Variants in PIP4P2 observed in about 807,000 individuals in gnomAD.
The protein encoded by PIP4P2 is phosphatidylinositol-4,5-bisphosphate 4-phosphatase 2.
Under a neutral mutation model 33.3 loss-of-function variants are expected in PIP4P2, and 19 were observed. That is an observed-to-expected ratio of 0.57 (90% CI 0.40 to 0.84). PIP4P2 has a LOEUF of 0.84. Among genes scored for constraint, PIP4P2 ranks in the 40% least tolerant of loss-of-function variants. The pLI is 0.00. For synonymous variants in PIP4P2, 110 were observed against 111.9 expected (o/e 0.98, Z 0.11); for missense variants, 270 against 324.7 (o/e 0.83, Z 1.29).
chr8:91,013,368 T>C (rs1034259759), intron 4 of PIP4P2, among the ~76,000 whole-genome samples: 1 of 152,158 alleles, frequency 6.6e-6, no homozygotes, highest in African/African-American at 2.4e-5. Context: ...CAGAAGTAGG[T>C]TGAAACAAAT....
chr8:91,020,283 G>A lies in PIP4P2; in HGVS notation c.256-20C>T, dbSNP rs1811989685. On this transcript the variant is annotated intron_variant, in intron 2 of 6. Transcript: ENST00000285419. ...GATTGGCTGGATAAGGGAAGAAAAT[G>A]CAAACACAGCAATTAACCAAAGTAC... The A allele has an allele frequency of 6.2e-7, 1 of 1,606,860 alleles. No homozygotes were observed. The highest frequency in any genetic ancestry group is 1.3e-5 in the African/African-American group (1 of 74,746).
chr8:91,029,824 G>A lies in PIP4P2; in HGVS notation c.107-8420C>T, dbSNP rs569199184. Among the ~76,000 whole-genome samples the A allele has an allele frequency of 1.2e-3, 186 of 152,116 alleles. 1 individual carries two copies. Among genetic ancestry groups the A allele is most frequent in the African/African-American group, 4.4e-3 (182 of 41,494 alleles). On this transcript the variant is annotated intron_variant, in intron 1 of 6. Transcript: ENST00000285419. ...TCTCTAAAAATACAAAGAATTAGCC[G>A]GGCGTGGTGGCGGGCGCCTGTAGTT...
intron 1 of PIP4P2, among the ~76,000 whole-genome samples, chr8:91,034,564 C>T (rs1293252552): frequency 6.6e-6 from 1 of 152,192 alleles, no homozygotes; most frequent in East Asian, 1.9e-4. Flanking sequence ...ATAGGCTTCT[C>T]ATATTTGCCA....
chr8:91,029,317 C>T (rs1288181825), intron 1 of PIP4P2, among the ~76,000 whole-genome samples: 1 of 151,636 alleles, frequency 6.6e-6, no homozygotes, highest in African/African-American at 2.4e-5. Context: ...AAAGAAATTA[C>T]TAAAGAAATC....
intron 1 of PIP4P2, among the ~76,000 whole-genome samples, chr8:91,029,216 C>T (rs1162910823): frequency 6.6e-6 from 1 of 151,704 alleles, no homozygotes; most frequent in Non-Finnish European, 1.5e-5. Flanking sequence ...ACTTGAACCC[C>T]GGAGGCGGAA....
At chr8:91,035,729 T>C (rs1812223969) in intron 1 of PIP4P2, among the ~76,000 whole-genome samples, 2 of 152,184 alleles carry the variant, frequency 1.3e-5, no homozygotes, top group African/African-American at 4.8e-5. Flanking sequence ...TATGACATCT[T>C]AGAACTGGAG....
chr8:91,025,487 T>C (rs1812070881), intron 1 of PIP4P2, among the ~76,000 whole-genome samples: 1 of 152,212 alleles, frequency 6.6e-6, no homozygotes, highest in African/African-American at 2.4e-5. Context: ...TATCCTCCAG[T>C]ATTTTAAAGA....
At chr8:91,033,565 A>C (rs115965402) in intron 1 of PIP4P2, among the ~76,000 whole-genome samples, 170 of 152,210 alleles carry the variant, frequency 1.1e-3, no homozygotes, top group Middle Eastern at 6.8e-3. Context: ...CATGCCAACC[A>C]AGGGTGATTT....
chr8:91,040,514 G>T, intron 1 of PIP4P2, 130 bp downstream of exon 1: 1 of 1,036,538 alleles, frequency 9.6e-7, no homozygotes, highest in Non-Finnish European at 1.4e-6. Context: ...GGCACAGTCA[G>T]CATCCTTCCT....
chr8:91,005,553 A>C (rs1404440737), intron 5 of PIP4P2, among the ~76,000 whole-genome samples: 4 of 152,228 alleles, frequency 2.6e-5, no homozygotes, highest in Non-Finnish European at 1.5e-5. Flanking sequence ...CACTATGCCC[A>C]CAAGACTAAA....
At chr8:91,012,734 G>C (rs1811856168) in intron 4 of PIP4P2, among the ~76,000 whole-genome samples, 2 of 152,162 alleles carry the variant, frequency 1.3e-5, no homozygotes, top group Admixed American at 6.6e-5. Flanking sequence ...GGAAGAGCCA[G>C]CTTTAGAAGT....
chr8:91,020,293 C>T, intron 2 of PIP4P2, 30 bp from the exon 3 acceptor site: 2 of 1,592,466 alleles, frequency 1.3e-6, no homozygotes, highest in Non-Finnish European at 1.7e-6. Flanking sequence ...GCAAACACAG[C>T]AATTAACCAA....
rs550137247 is a variant in PIP4P2 at position 91,021,484 on chromosome 8, A to G, written c.107-80T>C. The G allele has an allele frequency of 2.0e-4, 282 of 1,441,910 alleles. 1 individual carries two copies. The African/African-American group carries it at 3.3e-3, about 17-fold the overall frequency. The allele number at this position is 1,441,910 out of a possible 1,614,324, so 89.3% of individuals were successfully genotyped here. A position where few individuals can be genotyped will look rare whatever the true frequency, so the allele number is the denominator to read the frequency against. ...TTGAGTATAGAGGCAATATAAGTAAAGAAGAAACAATCAAGATTTTCCCAC... is the reference window on the plus strand; with the variant it reads ...TTGAGTATAGAGGCAATATAAGTAAGGAAGAAACAATCAAGATTTTCCCAC... On this transcript the variant is annotated intron_variant, in intron 1 of 6. Transcript: ENST00000285419.
chr8:91,038,314 T>G (rs1812260275), intron 1 of PIP4P2, among the ~76,000 whole-genome samples: 1 of 152,194 alleles, frequency 6.6e-6, no homozygotes, highest in African/African-American at 2.4e-5. Flanking sequence ...TATTCACTAG[T>G]TATAGCTTTT....
chr8:91,016,558 C>T (rs1811916901), intron 4 of PIP4P2: 1 of 152,184 alleles, frequency 6.6e-6, no homozygotes, highest in South Asian at 2.1e-4. Flanking sequence ...TAGAATTGCA[C>T]ATCTAGACAA....
intron 1 of PIP4P2, among the ~76,000 whole-genome samples, chr8:91,032,331 T>A (rs886947622): frequency 6.6e-5 from 10 of 152,228 alleles, no homozygotes; most frequent in African/African-American, 2.4e-4. Context: ...AAAAGCAACA[T>A]AAACTCCTTT....
intron 1 of PIP4P2, among the ~76,000 whole-genome samples, chr8:91,038,935 C>A (rs887017677): frequency 6.6e-6 from 1 of 152,018 alleles, no homozygotes; most frequent in African/African-American, 2.4e-5. Context: ...TTCTCAGTGG[C>A]TGAACTGGAA....
chr8:91,028,399 T>TG lies in PIP4P2; in HGVS notation c.107-6996dup, dbSNP rs1812112186. The stretch of plus-strand genomic sequence containing the variant: ...CAAGGCTATTTACAAGACTGTGTAC[T>TG]GGGGAAAAGAGAATACCCAGATGGT... On this transcript the variant is annotated intron_variant, in intron 1 of 6. Coordinates refer to ENST00000285419, the MANE Select transcript of PIP4P2 (RefSeq NM_018710.3). 5.3e-5 allele frequency among the ~76,000 whole-genome samples: 8 copies of TG among 152,186 alleles called. No individual in the cohort carries two copies. The South Asian group carries it at 1.7e-3, about 31-fold the overall frequency.
At chr8:91,021,486 A>G in intron 1 of PIP4P2, 82 bp from the exon 2 acceptor site, 1 of 1,442,246 alleles carries the variant, frequency 6.9e-7, no homozygotes, top group African/African-American at 1.4e-5. Flanking sequence ...ATAAGTAAAG[A>G]AGAAACAATC....
Sources: allele counts gnomAD v4.1 joint callset (sites outside exome capture counted in the v4.1 genomes callset), GRCh38; gene constraint gnomAD v4.1.1; transcripts MANE v1.5; gene names NCBI Gene and HGNC (gene_info 2026-07-23, HGNC 2026-07-21).